The following BFSP2 variants were observed in gnomAD, a reference collection of about 807,000 sequenced individuals.
BFSP2 encodes beaded filament structural protein 2, also known as phakinin.
A neutral mutation model predicts 44.9 loss-of-function variants in BFSP2; 38 were observed. The observed-to-expected ratio is 0.85, with a 90% CI of 0.65 to 1.11. The LOEUF (loss-of-function observed/expected upper bound fraction) is 1.11. Among genes scored for constraint, BFSP2 ranks in the 50% least tolerant of loss-of-function variants. The probability of loss-of-function intolerance (pLI) is 0.00; values close to 1 mark genes in which losing one functional copy is unlikely to be tolerated. For missense variants in BFSP2, 525 were observed against 533.0 expected (o/e 0.99, Z 0.15); for synonymous variants, 197 against 209.9 (o/e 0.94, Z 0.53).
intron 1 of BFSP2, among the ~76,000 whole-genome samples, chr3:133,445,165 G>T (rs1331739112): frequency 6.6e-6 from 1 of 152,260 alleles, no homozygotes; most frequent in Non-Finnish European, 1.5e-5. Context: ...AGCCGTGTTT[G>T]AAATGAGCAT....
chr3:133,447,139 A>G (rs1270831859), intron 1 of BFSP2, among the ~76,000 whole-genome samples, 178 bp from the exon 2 acceptor site: 1 of 152,178 alleles, frequency 6.6e-6, no homozygotes, highest in Non-Finnish European at 1.5e-5. Context: ...CTTATTATTT[A>G]TATCCCCCCA....
chr3:133,417,351 TCTCTCCCCTCTACTCACCCTGCC>T (rs2073546927), intron 1 of BFSP2, among the ~76,000 whole-genome samples: 1 of 59,710 alleles, frequency 1.7e-5, no homozygotes, highest in Non-Finnish European at 3.3e-5. Flanking sequence ...CTCACCCCGT[TCTCTCCCCTCTACTCACCCTGCC>T]CTCTCCCCTC....
intron 1 of BFSP2, among the ~76,000 whole-genome samples, chr3:133,438,219 C>T (rs2073809622): frequency 6.6e-6 from 1 of 152,172 alleles, no homozygotes; most frequent in Non-Finnish European, 1.5e-5. Context: ...AATATGTGGG[C>T]AGGCTCTGGA....
intron 1 of BFSP2, among the ~76,000 whole-genome samples, chr3:133,419,892 G>A (rs1383281588): frequency 2.6e-5 from 4 of 152,266 alleles, no homozygotes; most frequent in Non-Finnish European, 2.9e-5. Context: ...GCCCCATGGT[G>A]TGTGGCTCCG....
intron 1 of BFSP2, among the ~76,000 whole-genome samples, chr3:133,442,862 C>CTT (rs370003234): frequency 3.7e-5 from 5 of 136,044 alleles, no homozygotes; most frequent in African/African-American, 1.4e-4. Context: ...TCTAGATTTT[C>CTT]TTTTTTTTTT....
At chr3:133,464,055 T>C (rs1232110752) in intron 4 of BFSP2, among the ~76,000 whole-genome samples, 1 of 152,202 alleles carries the variant, frequency 6.6e-6, no homozygotes, top group African/African-American at 2.4e-5. Context: ...AGCTACATTG[T>C]CTGACTCCAT....
intron 4 of BFSP2, among the ~76,000 whole-genome samples, chr3:133,458,157 C>A (rs772448982): frequency 8.5e-5 from 13 of 152,196 alleles, no homozygotes; most frequent in African/African-American, 2.4e-4. Context: ...ACTTTGTGAT[C>A]TTTGCTAATA....
intron 1 of BFSP2, among the ~76,000 whole-genome samples, chr3:133,403,121 G>A (rs2073375463): frequency 6.6e-6 from 1 of 152,114 alleles, no homozygotes; most frequent in African/African-American, 2.4e-5. Context: ...CAGGCCTAGA[G>A]GAAAGGCCAC....
chr3:133,447,145 C>T (rs2073910146), intron 1 of BFSP2, among the ~76,000 whole-genome samples, 172 bp from the exon 2 acceptor site: 1 of 152,152 alleles, frequency 6.6e-6, no homozygotes, highest in South Asian at 2.1e-4. Context: ...ATTTATATCC[C>T]CCCACCCTGA....
intron 1 of BFSP2, among the ~76,000 whole-genome samples, chr3:133,418,260 T>A (rs2073563061): frequency 6.6e-6 from 1 of 152,108 alleles, no homozygotes; most frequent in Admixed American, 6.5e-5. Flanking sequence ...ATTTTCATCA[T>A]CTTCATTCCC....
chr3:133,425,125 T>C (rs1280561517), intron 1 of BFSP2, among the ~76,000 whole-genome samples: 7 of 152,138 alleles, frequency 4.6e-5, no homozygotes, highest in African/African-American at 1.7e-4. Context: ...AGTATGACAT[T>C]GTCATGGTAG....
At chr3:133,424,611 TTTG>T (rs1289685582) in intron 1 of BFSP2, among the ~76,000 whole-genome samples, 2 of 152,004 alleles carry the variant, frequency 1.3e-5, no homozygotes, top group Non-Finnish European at 2.9e-5. Flanking sequence ...TGTGGGTTTG[TTTG>T]TTTTTTGTTT....
intron 5 of BFSP2, among the ~76,000 whole-genome samples, chr3:133,467,509 C>T (rs568115515): frequency 2.6e-5 from 4 of 152,176 alleles, no homozygotes; most frequent in South Asian, 4.2e-4. Flanking sequence ...TAATGATTTG[C>T]GAGTTCCAGG....
chr3:133,411,934 T>C (rs577540808), intron 1 of BFSP2, among the ~76,000 whole-genome samples: 45 of 152,306 alleles, frequency 3.0e-4, no homozygotes, highest in African/African-American at 1.1e-3. Flanking sequence ...TGGATCACTA[T>C]CCAAACAATT....
In BFSP2 at chr3:133,466,886, T is replaced by C; in HGVS notation, c.950T>C (p.Leu317Pro). The C allele has an allele frequency of 6.2e-7, 1 of 1,613,898 alleles. No individual in the cohort carries two copies. Among genetic ancestry groups the C allele is most frequent in the Non-Finnish European group, 8.5e-7 (1 of 1,179,968 alleles). Residue 317 changes from leucine (L) to proline (P), a missense_variant, in exon 5 of 7, where the codon CTC becomes CCC. Leu to Pro is a moderately conservative substitution (Grantham distance 98, BLOSUM62 -3). Coordinates refer to ENST00000302334, the MANE Select transcript of BFSP2 (RefSeq NM_003571.4). The part of the protein sequence containing the change: ...QTQEEKLAAA[L>P]RVELHNTSCQ... The stretch of plus-strand genomic sequence containing the variant: ...CAGGAGGAGAAGCTGGCAGCTGCCC[T>C]CAGGGTGGAGTTACACAACACTTCG...
At chr3:133,429,257 G>A (rs2073684417) in intron 1 of BFSP2, 1 of 152,126 alleles carries the variant, frequency 6.6e-6, no homozygotes, top group African/African-American at 2.4e-5. Flanking sequence ...ATTAGTCAGG[G>A]TTCTCCAGGG....
intron 1 of BFSP2, among the ~76,000 whole-genome samples, chr3:133,421,588 C>CA (rs961106326): frequency 1.3e-5 from 2 of 151,634 alleles, no homozygotes; most frequent in African/African-American, 2.4e-5. Flanking sequence ...ATCTTATTTC[C>CA]AAAAAAAAGG....
chr3:133,472,641 G>C, intron 6 of BFSP2, 76 bp downstream of exon 6: 7 of 1,521,924 alleles, frequency 4.6e-6, no homozygotes, highest in Non-Finnish European at 6.2e-6. Context: ...TCCAAACACT[G>C]TAGAAGTATT....
intron 2 of BFSP2, 95 bp from the exon 3 acceptor site, chr3:133,448,394 A>G: frequency 7.0e-7 from 1 of 1,435,850 alleles, no homozygotes; most frequent in Non-Finnish European, 9.7e-7. Context: ...TTCATTGTCT[A>G]ACTATCACAT....
Sources: gnomAD v4.1 joint callset for allele counts (sites outside exome capture counted in the v4.1 genomes callset) on GRCh38, gnomAD v4.1.1 for gene constraint, MANE v1.5 for transcripts, NCBI Gene and HGNC (gene_info 2026-07-23, HGNC 2026-07-21) for gene names.